The following ME1 variants were observed in gnomAD, a reference collection of about 807,000 sequenced individuals.
ME1 encodes NADP-dependent malic enzyme.
In ME1, 74 loss-of-function variants were observed where a neutral mutation model predicts 66.4. The observed-to-expected ratio is 1.11, with a 90% CI of 0.92 to 1.35. The LOEUF (loss-of-function observed/expected upper bound fraction) is 1.35, where lower values mean the gene tolerates loss of function less well. Among genes scored for constraint, ME1 ranks in the 40% most tolerant of loss-of-function variants. The pLI, the probability that ME1 is intolerant of heterozygous loss-of-function variation, is 0.00. For synonymous variants in ME1, 251 were observed against 235.6 expected (o/e 1.07, Z -0.60); for missense variants, 750 against 694.1 (o/e 1.08, Z -0.90).
chr6:83,229,062 CTCT>C, intron 9 of ME1, 131 bp from the exon 10 acceptor site: 5 of 651,032 alleles, frequency 7.7e-6, no homozygotes, highest in Non-Finnish European at 1.3e-5. Flanking sequence ...TTCTTAAAAT[CTCT>C]TCTTCAATTG....
At chr6:83,401,440 A>G (rs1262938730) in intron 2 of ME1, among the ~76,000 whole-genome samples, 3 of 152,314 alleles carry the variant, frequency 2.0e-5, no homozygotes, top group African/African-American at 4.8e-5. Context: ...TTGATGTTCA[A>G]TATATATCGA....
chr6:83,397,324 T>C (rs776526782), intron 3 of ME1, among the ~76,000 whole-genome samples: 1 of 152,052 alleles, frequency 6.6e-6, no homozygotes, highest in Non-Finnish European at 1.5e-5. Context: ...AATACCAGAA[T>C]ACACAGTTCT....
At chr6:83,398,701 G>A (rs1769788601) in intron 2 of ME1, among the ~76,000 whole-genome samples, 185 bp from the exon 3 acceptor site, 1 of 152,218 alleles carries the variant, frequency 6.6e-6, no homozygotes, top group African/African-American at 2.4e-5. Context: ...GCCGGGCACA[G>A]TGGTTCATGC....
chr6:83,281,699 G>C lies in ME1; in HGVS notation c.705-27961C>G, dbSNP rs965944684. The stretch of plus-strand genomic sequence containing the variant: ...TGGGAGTCTATAATTCCAGCTACTC[G>C]GGAGGCTGAGGCATGAGAATCACCT... On this transcript the variant is annotated intron_variant, in intron 6 of 13. Transcript: ENST00000369705. Among the ~76,000 whole-genome samples the C allele has an allele frequency of 1.4e-4, 21 of 150,064 alleles. No individual in the cohort carries two copies. In the Admixed American group the frequency reaches 1.4e-3, roughly 10 times the overall value.
At chr6:83,307,238 T>G (rs1393272428) in intron 6 of ME1, among the ~76,000 whole-genome samples, 2 of 150,420 alleles carry the variant, frequency 1.3e-5, no homozygotes, top group Non-Finnish European at 3.0e-5. Flanking sequence ...AAAAAAAAAG[T>G]AGAGAGAATG....
chr6:83,368,402 C>G (rs1311615499), intron 3 of ME1, among the ~76,000 whole-genome samples: 1 of 151,664 alleles, frequency 6.6e-6, no homozygotes, highest in Admixed American at 6.6e-5. Context: ...CTGCAAAGCA[C>G]AATAACATGA....
intron 4 of ME1, among the ~76,000 whole-genome samples, chr6:83,347,265 AT>A (rs1768707176): frequency 6.6e-6 from 1 of 152,062 alleles, no homozygotes; most frequent in Admixed American, 6.6e-5. Flanking sequence ...TGTTTAGTTT[AT>A]TTCTAATTAA....
chr6:83,267,192 C>T lies in ME1; in HGVS notation c.705-13454G>A, dbSNP rs553272254. Among the ~76,000 whole-genome samples, 3 of 152,070 alleles carry T rather than the reference C, an allele frequency of 2.0e-5. No individual in the cohort carries two copies. In the East Asian group the frequency reaches 5.8e-4, roughly 29 times the overall value. ...TCTGGTATCACTGAGAAATATAAAA[C>T]AACACAAGAAATTTCTGCACCTAAA... On this transcript the variant is annotated intron_variant, in intron 6 of 13. Coordinates refer to ENST00000369705, the MANE Select transcript of ME1 (RefSeq NM_002395.6).
At chr6:83,242,418 T>C (rs1790527387) in intron 7 of ME1, among the ~76,000 whole-genome samples, 1 of 152,216 alleles carries the variant, frequency 6.6e-6, no homozygotes, top group South Asian at 2.1e-4. Context: ...ATAATCCTCA[T>C]GTGCTACTAA....
In ME1 at chr6:83,296,561, A is replaced by T. The variant is rs375918719; in HGVS notation, c.704+18749T>A. 3.9e-5 allele frequency among the ~76,000 whole-genome samples: 6 copies of T among 152,204 alleles called. No homozygotes were observed. The East Asian group carries it at 7.7e-4, about 20-fold the overall frequency. On this transcript the variant is annotated intron_variant, in intron 6 of 13. Coordinates refer to ENST00000369705, the MANE Select transcript of ME1 (RefSeq NM_002395.6). ...CTATGACAAACCAACAGCCAACATC[A>T]TGCTGAATGGGTAAAAGCTGGGAGC...
intron 2 of ME1, among the ~76,000 whole-genome samples, chr6:83,401,488 C>A (rs988082373): frequency 1.3e-5 from 2 of 152,116 alleles, no homozygotes; most frequent in African/African-American, 4.8e-5. Context: ...GTCACCAGCT[C>A]TTAGCAGGTA....
intron 6 of ME1, among the ~76,000 whole-genome samples, chr6:83,268,792 A>C (rs1223004938): frequency 6.6e-6 from 1 of 150,400 alleles, no homozygotes. Flanking sequence ...GGGTTTCACT[A>C]TGTTGCCCAG....
At position 83,211,776 on chromosome 6, in the gene ME1, A is replaced by T; in HGVS notation, c.*148T>A. The stretch of plus-strand genomic sequence containing the variant: ...TCTCATGTGATGTTTATCCCAATTT[A>T]TATCGATATTCTTCTATCAATTTTT... On this transcript the variant is annotated 3_prime_UTR_variant, in exon 14 of 14. Transcript: ENST00000369705. 1 of 516,642 alleles carries T rather than the reference A, an allele frequency of 1.9e-6. No homozygotes were observed. 32.0% of individuals were successfully genotyped at this position (516,642 alleles called of 1,614,324 possible).
At chr6:83,429,710 AC>A (rs1475418121) in intron 1 of ME1, among the ~76,000 whole-genome samples, 2 of 73,800 alleles carry the variant, frequency 2.7e-5, no homozygotes, top group Non-Finnish European at 6.2e-5. Flanking sequence ...AAAAAAAATC[AC>A]TCACACTGAC....
At chr6:83,365,346 G>A (rs759401352) in intron 3 of ME1, among the ~76,000 whole-genome samples, 89 of 152,056 alleles carry the variant, frequency 5.9e-4, no homozygotes, top group Middle Eastern at 3.4e-3. Flanking sequence ...CACCTTTCTC[G>A]GCCTCCCAAA....
chr6:83,278,984 T>C (rs936642885), intron 6 of ME1, among the ~76,000 whole-genome samples: 17 of 152,114 alleles, frequency 1.1e-4, no homozygotes, highest in African/African-American at 3.4e-4. Flanking sequence ...CATAGGACTA[T>C]AGTAAACAAC....
At chr6:83,330,843 G>A (rs551905567) in intron 5 of ME1, among the ~76,000 whole-genome samples, 146 of 152,106 alleles carry the variant, frequency 9.6e-4, no homozygotes, top group Non-Finnish European at 2.6e-4. Flanking sequence ...GAGAGGGTGG[G>A]GCAAAATGAG....
rs549631086 is a variant in ME1, at chr6:83,265,607, A to G, written c.705-11869T>C. Among the ~76,000 whole-genome samples the G allele has an allele frequency of 4.1e-4, 62 of 152,294 alleles. 1 individual carries two copies. In the South Asian group the frequency reaches 0.013, roughly 31 times the overall value. ...TGAGTCACCGGGCCTGGCCTTAAAC[A>G]CAACTTTTCACTGAGAAACCAAAAA... On this transcript the variant is annotated intron_variant, in intron 6 of 13. Transcript: ENST00000369705.
intron 6 of ME1, among the ~76,000 whole-genome samples, chr6:83,279,323 G>A (rs527912609): frequency 2.6e-5 from 4 of 152,204 alleles, no homozygotes; most frequent in South Asian, 2.1e-4. Flanking sequence ...AAATATAGTC[G>A]GAAAACACAA....
Sources: gnomAD v4.1 joint callset for allele counts (sites outside exome capture counted in the v4.1 genomes callset) on GRCh38, gnomAD v4.1.1 for gene constraint, MANE v1.5 for transcripts, NCBI Gene and HGNC (gene_info 2026-07-23, HGNC 2026-07-21) for gene names.